FOXP1: variants seen among roughly 807,000 people sequenced by gnomAD.
FOXP1 encodes forkhead box P1, also known as forkhead box protein P1.
FOXP1 carries 15 observed loss-of-function variants against 98.2 expected under a neutral mutation model. The observed-to-expected ratio is 0.15, with a 90% confidence interval of 0.10 to 0.24. FOXP1 has a LOEUF of 0.24. Among genes scored for constraint, FOXP1 ranks in the 10% least tolerant of loss-of-function variants. The pLI, the probability that FOXP1 is intolerant of heterozygous loss-of-function variation, is 1.00. For synonymous variants in FOXP1, 371 were observed against 314.5 expected (o/e 1.18, Z -1.90); for missense variants, 633 against 848.5 (o/e 0.75, Z 3.15).
intron 4 of FOXP1, among the ~76,000 whole-genome samples, chr3:71,345,604 T>C (rs1389413247): frequency 6.6e-6 from 1 of 152,108 alleles, no homozygotes; most frequent in African/African-American, 2.4e-5. Flanking sequence ...CCTGGTGTTA[T>C]GCAAGATCCC....
intron 18 of FOXP1, chr3:70,971,988 C>A (rs1294734226): frequency 1.6e-5 from 21 of 1,338,710 alleles, no homozygotes; most frequent in East Asian, 1.4e-4. Flanking sequence ...AAAAAAAAAA[C>A]AAAAGCAAGT....
At chr3:71,371,967 T>TC (rs1275719846) in intron 3 of FOXP1, among the ~76,000 whole-genome samples, 1 of 152,086 alleles carries the variant, frequency 6.6e-6, no homozygotes, top group Non-Finnish European at 1.5e-5. Context: ...GAAAGGTTCT[T>TC]CCCCTGGCTC....
intron 5 of FOXP1, among the ~76,000 whole-genome samples, chr3:71,248,792 T>C (rs2067962164): frequency 6.6e-6 from 1 of 151,574 alleles, no homozygotes; most frequent in Non-Finnish European, 1.5e-5. Flanking sequence ...CTTAAGAAGT[T>C]CCTCTCCAGG....
chr3:71,348,518 TGTGC>T (rs1553853149), intron 4 of FOXP1, among the ~76,000 whole-genome samples: 1,695 of 30,780 alleles, frequency 0.055, 28 homozygotes, highest in South Asian at 0.13. Flanking sequence ...TGTGTGTGTG[TGTGC>T]GTGTGTGTGT....
intron 2 of FOXP1, among the ~76,000 whole-genome samples, chr3:71,563,246 A>G (rs1311241849): frequency 6.6e-6 from 1 of 152,192 alleles, no homozygotes; most frequent in Non-Finnish European, 1.5e-5. Flanking sequence ...AGGTTGTTTC[A>G]GATGCTTTCT....
At chr3:71,431,469 A>G (rs898061473) in intron 3 of FOXP1, among the ~76,000 whole-genome samples, 3 of 152,154 alleles carry the variant, frequency 2.0e-5, no homozygotes, top group African/African-American at 7.2e-5. Flanking sequence ...TACGAGCTTC[A>G]GGCACTCAAT....
intron 3 of FOXP1, among the ~76,000 whole-genome samples, chr3:71,464,185 C>A (rs76204832): frequency 0.28 from 43,069 of 151,924 alleles, 6,480 homozygotes; most frequent in Non-Finnish European, 0.33. Flanking sequence ...TTGAAGTGGG[C>A]GGATCAACTG....
At chr3:71,139,607 T>C (rs904035056) in intron 6 of FOXP1, among the ~76,000 whole-genome samples, 8 of 152,136 alleles carry the variant, frequency 5.3e-5, no homozygotes, top group African/African-American at 1.7e-4. Flanking sequence ...GGATACTTTA[T>C]GGGAAATGAA....
intron 5 of FOXP1, among the ~76,000 whole-genome samples, chr3:71,267,124 A>AGTGT (rs1553808466): frequency 8.4e-4 from 124 of 148,410 alleles, no homozygotes; most frequent in South Asian, 5.2e-3. Flanking sequence ...TATGGGAGAG[A>AGTGT]GTGTGTGTGT....
intron 5 of FOXP1, among the ~76,000 whole-genome samples, chr3:71,235,792 T>G (rs1443273881): frequency 6.6e-6 from 1 of 152,138 alleles, no homozygotes; most frequent in Non-Finnish European, 1.5e-5. Flanking sequence ...GGTCTCTATC[T>G]CCTGACCTCA....
intron 9 of FOXP1, among the ~76,000 whole-genome samples, chr3:71,048,419 T>C (rs558061330): frequency 6.6e-6 from 1 of 152,342 alleles, no homozygotes; most frequent in African/African-American, 2.4e-5. Context: ...TCGGTCTTCA[T>C]GTAGTTTATT....
intron 7 of FOXP1, among the ~76,000 whole-genome samples, chr3:71,065,248 G>C (rs1422076611): frequency 6.6e-6 from 1 of 151,924 alleles, no homozygotes; most frequent in Non-Finnish European, 1.5e-5. Flanking sequence ...CCCTCTGGCC[G>C]GGGCTCTGCG....
intron 11 of FOXP1, among the ~76,000 whole-genome samples, chr3:71,018,998 T>C (rs755114038): frequency 1.3e-5 from 2 of 152,188 alleles, no homozygotes; most frequent in Non-Finnish European, 2.9e-5. Flanking sequence ...CCGCTGCATG[T>C]GTGGCTGGGA....
chr3:71,252,798 C>T (rs1195769509), intron 5 of FOXP1, among the ~76,000 whole-genome samples: 1 of 152,222 alleles, frequency 6.6e-6, no homozygotes, highest in Non-Finnish European at 1.5e-5. Context: ...CATGTGGCCT[C>T]AACTGCAAAA....
At chr3:71,362,460 C>T (rs1043798632) in intron 3 of FOXP1, among the ~76,000 whole-genome samples, 4 of 152,084 alleles carry the variant, frequency 2.6e-5, no homozygotes, top group Non-Finnish European at 4.4e-5. Flanking sequence ...CGTGAGCCAC[C>T]GCGCCCAGCC....
At chr3:71,436,865 A>T (rs919564658) in intron 3 of FOXP1, among the ~76,000 whole-genome samples, 1 of 152,188 alleles carries the variant, frequency 6.6e-6, no homozygotes, top group African/African-American at 2.4e-5. Flanking sequence ...TCTATCTAAA[A>T]CACAGGAAAC....
At chr3:71,405,928 C>T (rs1337128281) in intron 3 of FOXP1, among the ~76,000 whole-genome samples, 1 of 151,914 alleles carries the variant, frequency 6.6e-6, no homozygotes, top group African/African-American at 2.4e-5. Flanking sequence ...CAGGGTTTCA[C>T]CATGTTGGGC....
chr3:71,027,084 G>C (rs980577827), intron 11 of FOXP1, among the ~76,000 whole-genome samples: 1 of 152,200 alleles, frequency 6.6e-6, no homozygotes, highest in Non-Finnish European at 1.5e-5. Context: ...AAAAAGTGGT[G>C]TGAGCAACTG....
chr3:70,978,094 C>G (rs1218168958), intron 14 of FOXP1, 65 bp from the exon 15 acceptor site: 2 of 1,350,872 alleles, frequency 1.5e-6, no homozygotes, highest in Non-Finnish European at 2.1e-6. Flanking sequence ...GGAACCACAT[C>G]TAGCAGGAGT....
Sources: gnomAD v4.1 joint callset for allele counts (sites outside exome capture counted in the v4.1 genomes callset) on GRCh38, gnomAD v4.1.1 for gene constraint, MANE v1.5 for transcripts, NCBI Gene and HGNC (gene_info 2026-07-23, HGNC 2026-07-21) for gene names.